The following DMTF1 variants were observed in gnomAD, a reference collection of about 807,000 sequenced individuals.
DMTF1 encodes the protein cyclin-D-binding Myb-like transcription factor 1.
DMTF1 carries 39 observed loss-of-function variants against 91.1 expected under a neutral mutation model. The ratio of observed to expected loss-of-function variants is 0.43; its 90% CI spans 0.33 to 0.56. DMTF1 has a LOEUF of 0.56. Among genes scored for constraint, DMTF1 ranks in the 20% least tolerant of loss-of-function variants. The probability of loss-of-function intolerance (pLI) is 0.05; values close to 1 mark genes in which losing one functional copy is unlikely to be tolerated. For missense variants in DMTF1, 750 were observed against 914.5 expected (o/e 0.82, Z 2.32); for synonymous variants, 338 against 309.5 (o/e 1.09, Z -0.97).
intron 4 of DMTF1, among the ~76,000 whole-genome samples, chr7:87,170,737 A>T (rs929901863): frequency 1.3e-5 from 2 of 152,088 alleles, no homozygotes; most frequent in Non-Finnish European, 2.9e-5. Flanking sequence ...GTCTTTCCCC[A>T]CTAGAATACA....
intron 10 of DMTF1, 115 bp downstream of exon 10, chr7:87,182,452 G>T (rs1797562515): frequency 2.2e-6 from 2 of 899,848 alleles, no homozygotes; most frequent in South Asian, 1.6e-5. Context: ...CCTTAGTTCA[G>T]ACTTTATTTT....
chr7:87,177,690 GA>G (rs1796535264), intron 7 of DMTF1, among the ~76,000 whole-genome samples: 1 of 152,184 alleles, frequency 6.6e-6, no homozygotes, highest in African/African-American at 2.4e-5. Flanking sequence ...AGGGCATGAA[GA>G]CATTCTCACA....
At chr7:87,161,244 T>C (rs1792299906) in intron 1 of DMTF1, among the ~76,000 whole-genome samples, 1 of 152,140 alleles carries the variant, frequency 6.6e-6, no homozygotes. Context: ...ACGCCTGTAA[T>C]CCCAACACTT....
At position 87,194,808 on chromosome 7, in the gene DMTF1, T is replaced by C; in HGVS notation, c.2153T>C (p.Leu718Ser). The C allele has an allele frequency of 6.2e-7, 1 of 1,611,814 alleles. No homozygotes were observed. The highest frequency in any genetic ancestry group is 8.5e-7 in the Non-Finnish European group (1 of 1,178,882). ...ASDVIDTESV[L>S]PLTTLTDPIL... ...GATGTTATAGATACTGAATCTGTCTTGCCTTTGACAACACTAACAGGTACT... is the reference window on the plus strand; with the variant it reads ...GATGTTATAGATACTGAATCTGTCTCGCCTTTGACAACACTAACAGGTACT... Residue 718 changes from leucine to serine, a missense_variant, in exon 17 of 18, where the codon TTG (leucine) becomes TCG (serine). Leu to Ser is a moderately radical substitution (Grantham distance 145). Coordinates refer to ENST00000331242, the MANE Select transcript of DMTF1 (RefSeq NM_001142327.2).
chr7:87,184,664 A>C, intron 11 of DMTF1, 39 bp downstream of exon 11: 3 of 1,549,520 alleles, frequency 1.9e-6, no homozygotes, highest in Non-Finnish European at 2.7e-6. Context: ...AAGCAACTTA[A>C]TTTCTGTGGA....
At chr7:87,158,339 C>G (rs1791334847) in intron 1 of DMTF1, among the ~76,000 whole-genome samples, 1 of 152,018 alleles carries the variant, frequency 6.6e-6, no homozygotes, top group African/African-American at 2.4e-5. Context: ...AAAACCACTT[C>G]AGCTTGTCTG....
chr7:87,179,484 A>T, intron 7 of DMTF1, 61 bp from the exon 8 acceptor site: 1 of 1,351,036 alleles, frequency 7.4e-7, no homozygotes, highest in South Asian at 2.2e-5. Flanking sequence ...TTTTAAAAGC[A>T]TAGTATATCC....
At chr7:87,181,911 A>T in intron 9 of DMTF1, 2 of 846,924 alleles carry the variant, frequency 2.4e-6, no homozygotes, top group Non-Finnish European at 1.7e-6. Flanking sequence ...GTATATGCTC[A>T]AAAGGGAAAG....
At chr7:87,191,299 G>T (rs1008693442) in intron 14 of DMTF1, among the ~76,000 whole-genome samples, 1 of 152,036 alleles carries the variant, frequency 6.6e-6, no homozygotes, top group Non-Finnish European at 1.5e-5. Flanking sequence ...AGTTCATATT[G>T]GTTATTTGAG....
In DMTF1 at chr7:87,194,763, A is replaced by G; in HGVS notation, c.2108A>G (p.His703Arg). The G allele has an allele frequency of 1.9e-6, 3 of 1,612,100 alleles. No individual in the cohort carries two copies. Among genetic ancestry groups the G allele is most frequent in the African/African-American group, 2.7e-5 (2 of 74,910 alleles). ...DETILIVPSP[H>R]GFIQASDVID... ...ACAATACTTATCGTTCCTTCACCAC[A>G]TGGCTTTATCCAGGCATCTGATGTT... Residue 703 changes from histidine to arginine, a missense_variant, in exon 17 of 18, where the codon CAT becomes CGT. Coordinates refer to ENST00000331242, the MANE Select transcript of DMTF1 (RefSeq NM_001142327.2).
intron 4 of DMTF1, among the ~76,000 whole-genome samples, chr7:87,169,765 A>C (rs2129088742): frequency 6.6e-6 from 1 of 152,262 alleles, no homozygotes; most frequent in Non-Finnish European, 1.5e-5. Flanking sequence ...CCTGTAGAAA[A>C]CATTCCTCTG....
At chr7:87,156,297 TA>T (rs1790701483) in intron 1 of DMTF1, among the ~76,000 whole-genome samples, 1 of 152,184 alleles carries the variant, frequency 6.6e-6, no homozygotes, top group Non-Finnish European at 1.5e-5. Context: ...TAATCCTCCT[TA>T]CTCAAGTAAT....
chr7:87,191,744 C>T (rs914162216), intron 14 of DMTF1, among the ~76,000 whole-genome samples: 8 of 152,054 alleles, frequency 5.3e-5, no homozygotes, highest in African/African-American at 7.2e-5. Context: ...AATTTGTAGA[C>T]GAAAAGTAGA....
In DMTF1 at chr7:87,190,827, G is replaced by A. The variant is rs1001829987; in HGVS notation, c.1412-118G>A. 4.2e-5 allele frequency: 31 copies of A among 743,234 alleles called. No individual in the cohort carries two copies. In the African/African-American group the frequency reaches 5.7e-4, roughly 14 times the overall value. The allele number at this position is 743,234 out of a possible 1,614,324, so 46.0% of individuals were successfully genotyped here. The stretch of plus-strand genomic sequence containing the variant: ...AAATGTAAATGACTTCAGGTCTCCA[G>A]GCAAATTATTCAATATTAAATTGCC... On this transcript the variant is annotated intron_variant, in intron 13 of 17. Coordinates refer to ENST00000331242, the MANE Select transcript of DMTF1 (RefSeq NM_001142327.2).
At chr7:87,184,914 T>C in intron 11 of DMTF1, 1 of 517,882 alleles carries the variant, frequency 1.9e-6, no homozygotes, top group Non-Finnish European at 3.7e-6. Flanking sequence ...GCAGCGGCAG[T>C]GTAGCTTTTC....
At position 87,170,978 on chromosome 7, in the gene DMTF1, G is replaced by A. The variant is rs569673003; in HGVS notation, c.233-17G>A. ...TGCCGTTATTATTCTGGAGATGAACGGTTCCTTTTCTTGAAGTTTCAGAAA... is the reference window on the plus strand; with the variant it reads ...TGCCGTTATTATTCTGGAGATGAACAGTTCCTTTTCTTGAAGTTTCAGAAA... On this transcript the variant is annotated splice_polypyrimidine_tract_variant and intron_variant, in intron 4 of 17. Coordinates refer to ENST00000331242, the MANE Select transcript of DMTF1 (RefSeq NM_001142327.2). 5.2e-6 allele frequency: 8 copies of A among 1,527,206 alleles called. No individual in the cohort carries two copies. The East Asian group carries it at 9.0e-5, about 17-fold the overall frequency. 94.6% of individuals were successfully genotyped at this position (1,527,206 alleles called of 1,614,324 possible).
rs752360561 is a variant in DMTF1 at position 87,165,004 on chromosome 7, G to A, written c.63G>A (p.Leu21=). 1.2e-6 allele frequency: 2 copies of A among 1,610,644 alleles called. No individual in the cohort carries two copies. Among genetic ancestry groups the A allele is most frequent in the Non-Finnish European group, 1.7e-6 (2 of 1,178,452 alleles). Residue 21 remains leucine (L), a synonymous_variant, in exon 3 of 18, where the codon TTG becomes TTA. Transcript: ENST00000331242. ...TAGAAACTGTGAACTCTGTGACTTTGACTCAGGACACAGAAGGGAATCTCA... is the reference window on the plus strand; with the variant it reads ...TAGAAACTGTGAACTCTGTGACTTTAACTCAGGACACAGAAGGGAATCTCA... ...VTVETVNSVT[L]TQDTEGNLIL...
At chr7:87,194,592 T>C (rs1166502450) in intron 16 of DMTF1, 92 bp from the exon 17 acceptor site, 1 of 856,774 alleles carries the variant, frequency 1.2e-6, no homozygotes, top group Non-Finnish European at 1.7e-6. Flanking sequence ...AAATGGGTTA[T>C]GTTTAAGTCT....
chr7:87,165,554 C>T (rs914726213), intron 3 of DMTF1, among the ~76,000 whole-genome samples: 2 of 152,118 alleles, frequency 1.3e-5, no homozygotes, highest in Admixed American at 6.5e-5. Flanking sequence ...TAGGTTATGT[C>T]TTCTCTTCTC....
Sources: gnomAD v4.1 joint callset for allele counts (sites outside exome capture counted in the v4.1 genomes callset) on GRCh38, gnomAD v4.1.1 for gene constraint, MANE v1.5 for transcripts, NCBI Gene and HGNC (gene_info 2026-07-23, HGNC 2026-07-21) for gene names.